Variants in GAA observed in about 807,000 individuals in gnomAD.
The protein encoded by GAA is lysosomal alpha-glucosidase.
A neutral mutation model predicts 103.9 loss-of-function variants in GAA; 88 were observed. That is an observed-to-expected ratio of 0.85 (90% CI 0.71 to 1.01). The LOEUF (loss-of-function observed/expected upper bound fraction) is 1.01, where lower values mean the gene tolerates loss of function less well. Ranked by LOEUF, GAA falls within the 50% of genes least tolerant of loss-of-function variation. The probability of loss-of-function intolerance (pLI) is 0.00; values close to 1 mark genes in which losing one functional copy is unlikely to be tolerated. For missense variants in GAA, 1,350 were observed against 1,305.3 expected, an observed-to-expected ratio of 1.03 and a Z score of -0.53; for synonymous variants, 572 against 563.1, an observed-to-expected ratio of 1.02 and a Z score of -0.22.
intron 11 of GAA, chr17:80,111,761 G>A: frequency 1.7e-6 from 1 of 575,198 alleles, no homozygotes; most frequent in South Asian, 2.0e-5. Flanking sequence ...CCAGGCTCCA[G>A]CACCCGCCCA....
At chr17:80,112,763 A>G in intron 13 of GAA, 52 bp downstream of exon 13, 1 of 1,585,290 alleles carries the variant, frequency 6.3e-7, no homozygotes. Flanking sequence ...GGGGGCCTCT[A>G]TGGGAGGCTT....
chr17:80,116,104 C>G (rs2039348290), intron 15 of GAA, among the ~76,000 whole-genome samples: 1 of 152,214 alleles, frequency 6.6e-6, no homozygotes, highest in Admixed American at 6.5e-5. Flanking sequence ...ACTCCACCAT[C>G]TTCACTGACA....
At chr17:80,112,439 G>A in intron 12 of GAA, 139 bp from the exon 13 acceptor site, 1 of 1,082,334 alleles carries the variant, frequency 9.2e-7, no homozygotes, top group South Asian at 1.4e-5. Flanking sequence ...CGCAGACATG[G>A]GCAGTAGCCT....
Position 80,109,624 on chromosome 17 carries a change from CT to C in GAA, c.1327-315del, listed in dbSNP as rs11315030. Among the ~76,000 whole-genome samples the C allele has an allele frequency of 0.63, 92,934 of 146,960 alleles. 29,382 individuals carry two copies. Among genetic ancestry groups the C allele is most frequent in the Middle Eastern group, 0.81 (230 of 284 alleles). On this transcript the variant is annotated intron_variant, in intron 8 of 19. Coordinates refer to ENST00000302262, the MANE Select transcript of GAA (RefSeq NM_000152.5). The stretch of plus-strand genomic sequence containing the variant: ...TTAAGAGCAGGAGTGGAAACACAGA[CT>C]TTTTTCTTTCTCACATTTTTTTAAT...
Position 80,119,746 on chromosome 17 carries a change from C to G in GAA, c.*415C>G. On this transcript the variant is annotated 3_prime_UTR_variant, in exon 20 of 20. Transcript: ENST00000302262. Reference sequence around the variant, plus strand: ...GCCTGCTGCTCTGCCCCAACGCGACCGCTGCCCGGCTGCCCAGAGGGCTGG... The same window carrying G: ...GCCTGCTGCTCTGCCCCAACGCGACGGCTGCCCGGCTGCCCAGAGGGCTGG... 8.2e-6 allele frequency: 2 copies of G among 242,800 alleles called. No homozygotes were observed. The highest frequency in any genetic ancestry group is 1.5e-3 in the Middle Eastern group (1 of 658). The allele number at this position is 242,800 out of a possible 1,614,324, so 15.0% of individuals were successfully genotyped here.
rs74003628 is a variant in GAA at position 80,109,827 on chromosome 17, A to G, written c.1327-118A>G. 46,088 of 733,412 alleles carry G rather than the reference A, an allele frequency of 0.063. 1,618 individuals are homozygous for G. Among genetic ancestry groups the G allele is most frequent in the African/African-American group, 0.078 (4,450 of 57,192 alleles). The allele number at this position is 733,412 out of a possible 1,614,324, so 45.4% of individuals were successfully genotyped here. On this transcript the variant is annotated intron_variant, in intron 8 of 19. Coordinates refer to ENST00000302262, the MANE Select transcript of GAA (RefSeq NM_000152.5). ...GGCATGTGCAGGTACACAGGCAGGCATGCTGTACACACGCATGATGTCATC... is the reference window on the plus strand; with the variant it reads ...GGCATGTGCAGGTACACAGGCAGGCGTGCTGTACACACGCATGATGTCATC...
rs747943736 is a variant in GAA at position 80,104,975 on chromosome 17, C to T, written c.389C>T (p.Pro130Leu). The change falls in exon 2 of 20, where the codon CCA becomes CTA. Residue 130 changes from proline to leucine, a missense_variant. Coordinates refer to ENST00000302262, the MANE Select transcript of GAA (RefSeq NM_000152.5). The surrounding 1 kb of genome is among the most constrained non-coding windows in gnomAD (Gnocchi z 4.0). The part of the protein sequence containing the change: ...AQMGQPWCFF[P>L]PSYPSYKLEN... ...ATGGGGCAGCCCTGGTGCTTCTTCCCACCCAGCTACCCCAGCTACAAGCTG... is the reference window on the plus strand; with the variant it reads ...ATGGGGCAGCCCTGGTGCTTCTTCCTACCCAGCTACCCCAGCTACAAGCTG... The T allele has an allele frequency of 6.2e-7, 1 of 1,612,736 alleles. No homozygotes were observed. The highest frequency in any genetic ancestry group is 8.5e-7 in the Non-Finnish European group (1 of 1,179,930).
At chr17:80,112,390 C>G in intron 12 of GAA, 188 bp from the exon 13 acceptor site, 1 of 736,986 alleles carries the variant, frequency 1.4e-6, no homozygotes, top group Non-Finnish European at 2.3e-6. Flanking sequence ...CCTGGCTCAC[C>G]TACAGGCATC....
intron 12 of GAA, 185 bp from the exon 13 acceptor site, chr17:80,112,393 C>T (rs2039257837): frequency 5.4e-6 from 4 of 742,138 alleles, no homozygotes; most frequent in Non-Finnish European, 8.9e-6. Context: ...GGCTCACCTA[C>T]AGGCATCAGG....
intron 8 of GAA, among the ~76,000 whole-genome samples, chr17:80,109,574 T>C (rs897723039): frequency 6.6e-6 from 1 of 152,264 alleles, no homozygotes; most frequent in Non-Finnish European, 1.5e-5. Flanking sequence ...CCCTGCCTTC[T>C]GCAGGCAGCA....
In GAA at chr17:80,107,909, C is replaced by G. The variant is rs753719859; in HGVS notation, c.955+13C>G. ...AGCAATGCCATGGGTAAGCTGCCCG[C>G]CGCCCAGCGCCCGGGCCGGGGTCTC... On this transcript the variant is annotated intron_variant, in intron 5 of 19. Transcript: ENST00000302262. 2 of 1,586,594 alleles carry G rather than the reference C, an allele frequency of 1.3e-6. No homozygotes were observed. Among genetic ancestry groups the G allele is most frequent in the South Asian group, 1.1e-5 (1 of 88,090 alleles).
Position 80,110,787 on chromosome 17 carries a change from G to A in GAA, c.1498G>A (p.Glu500Lys), listed in dbSNP as rs1473805095. The A allele has an allele frequency of 1.1e-5, 17 of 1,614,132 alleles. No homozygotes were observed. The highest frequency in any genetic ancestry group is 1.4e-5 in the Non-Finnish European group (16 of 1,180,000). Residue 500 changes from glutamate (E) to lysine (K), a missense_variant, in exon 10 of 20, where the codon GAG becomes AAG. By Grantham distance (56) the Glu-to-Lys change is moderately conservative. Transcript: ENST00000302262. ...CAACCCCACAGCCCTGGCCTGGTGG[G>A]AGGACATGGTGGCTGAGTTCCATGA... is the stretch of plus-strand genomic sequence containing the variant. ...FTNPTALAWW[E>K]DMVAEFHDQV...
chr17:80,117,123 C>A lies in GAA; in HGVS notation c.2331+14C>A. The A allele has an allele frequency of 6.2e-7, 1 of 1,611,736 alleles. No individual in the cohort carries two copies. Among genetic ancestry groups the A allele is most frequent in the Non-Finnish European group, 8.5e-7 (1 of 1,179,906 alleles). Reference sequence around the variant, plus strand: ...GACCTGCAGACGGTGAGTCTGGGGACCCTAAGCCCTGGGGAGACGGGAGAC... The same window carrying A: ...GACCTGCAGACGGTGAGTCTGGGGAACCTAAGCCCTGGGGAGACGGGAGAC... On this transcript the variant is annotated intron_variant, in intron 16 of 19. Transcript: ENST00000302262.
intron 2 of GAA, 131 bp downstream of exon 2, chr17:80,105,263 T>A: frequency 1.1e-6 from 1 of 936,382 alleles, no homozygotes; most frequent in Non-Finnish European, 1.6e-6. Context: ...AGCGGAGGTG[T>A]GAGCAGACAA....
At chr17:80,105,334 G>A (rs780499401) in intron 2 of GAA, among the ~76,000 whole-genome samples, 6 of 152,198 alleles carry the variant, frequency 3.9e-5, no homozygotes, top group Non-Finnish European at 7.3e-5. Context: ...AGAAGGCAGG[G>A]CTCGGGGCTC....
At chr17:80,118,533 C>T (rs1183205008) in intron 18 of GAA, 120 bp from the exon 19 acceptor site, 1 of 1,397,814 alleles carries the variant, frequency 7.2e-7, no homozygotes, top group African/African-American at 1.4e-5. Context: ...TTCGTGTACA[C>T]AGAGGGAGGT....
rs199788201 is a variant in GAA at position 80,111,141 on chromosome 17, GC to G, written c.1636+117del. On this transcript the variant is annotated intron_variant, in intron 11 of 19. Coordinates refer to ENST00000302262, the MANE Select transcript of GAA (RefSeq NM_000152.5). ...AGCAGATGGGCCAGCGGGGAAAGGG[GC>G]GGGGGGGGGATCCCCAGGAGAAAGG... 0.62 allele frequency: 563,873 copies of G among 913,966 alleles called. 185,438 individuals carry two copies. The highest frequency in any genetic ancestry group is 0.75 in the Middle Eastern group (2,850 of 3,812). The allele number at this position is 913,966 out of a possible 1,614,324, so 56.6% of individuals were successfully genotyped here. A position where few individuals can be genotyped will look rare whatever the true frequency, so the allele number is the denominator to read the frequency against.
At chr17:80,106,411 A>G (rs955037157) in intron 3 of GAA, among the ~76,000 whole-genome samples, 6 of 152,048 alleles carry the variant, frequency 3.9e-5, no homozygotes, top group African/African-American at 1.4e-4. Flanking sequence ...GGTCCCCTCT[A>G]GAAGCCAGCT....
At chr17:80,109,297 T>C (rs1429871364) in intron 8 of GAA, among the ~76,000 whole-genome samples, 13 of 152,178 alleles carry the variant, frequency 8.5e-5, no homozygotes, top group Admixed American at 5.2e-4. Context: ...CGGAGACTTC[T>C]TCCCATCAGC....
Sources: gnomAD v4.1 joint callset for allele counts (sites outside exome capture counted in the v4.1 genomes callset) on GRCh38, gnomAD v4.1.1 for gene constraint, Gnocchi (gnomAD v3.1) non-coding constraint, MANE v1.5 for transcripts, NCBI Gene and HGNC (gene_info 2026-07-23, HGNC 2026-07-21) for gene names.